The following TMC1 variants were observed in gnomAD, a reference collection of about 807,000 sequenced individuals.
TMC1 encodes transmembrane channel-like protein 1.
In TMC1, 84 loss-of-function variants were observed where a neutral mutation model predicts 105.8. That is an observed-to-expected ratio of 0.79 (90% CI 0.67 to 0.95). The LOEUF is 0.95. Among genes scored for constraint, TMC1 ranks in the 40% least tolerant of loss-of-function variants. The pLI is 0.00. For synonymous variants in TMC1, 315 were observed against 311.5 expected, an observed-to-expected ratio of 1.01 and a Z score of -0.12; for missense variants, 817 against 914.1, an observed-to-expected ratio of 0.89 and a Z score of 1.37.
At chr9:72,666,622 CACTG>C (rs1478154647) in intron 5 of TMC1, among the ~76,000 whole-genome samples, 2 of 152,174 alleles carry the variant, frequency 1.3e-5, no homozygotes, top group African/African-American at 2.4e-5. Context: ...ATATCACAAA[CACTG>C]ACTGAGTGCC....
chr9:72,569,692 A>G (rs1321522653), intron 1 of TMC1, among the ~76,000 whole-genome samples: 2 of 152,198 alleles, frequency 1.3e-5, no homozygotes, highest in African/African-American at 4.8e-5. Flanking sequence ...AGAGGCCAAC[A>G]TGGTGAGGTA....
At chr9:72,751,648 T>C (rs989272694) in intron 10 of TMC1, among the ~76,000 whole-genome samples, 2 of 152,176 alleles carry the variant, frequency 1.3e-5, no homozygotes, top group Admixed American at 1.3e-4. Flanking sequence ...CCTTCTACAT[T>C]CCACATGACA....
chr9:72,726,005 T>C (rs1160965451), intron 8 of TMC1, among the ~76,000 whole-genome samples: 1 of 152,156 alleles, frequency 6.6e-6, no homozygotes, highest in Non-Finnish European at 1.5e-5. Context: ...TGTTAATCTC[T>C]TTTGGCAGTA....
chr9:72,531,715 A>G (rs1455361663), intron 1 of TMC1, among the ~76,000 whole-genome samples: 7 of 152,148 alleles, frequency 4.6e-5, no homozygotes, highest in African/African-American at 1.7e-4. Flanking sequence ...ACCAGTCCAA[A>G]GTGAAGAATA....
chr9:72,610,473 C>T (rs534789242), intron 2 of TMC1, among the ~76,000 whole-genome samples: 2 of 152,228 alleles, frequency 1.3e-5, no homozygotes, highest in African/African-American at 4.8e-5. Context: ...GCTCTAGACA[C>T]AGGAAGAAGC....
chr9:72,823,904 TA>T (rs1319583860), intron 20 of TMC1, among the ~76,000 whole-genome samples: 1 of 152,222 alleles, frequency 6.6e-6, no homozygotes, highest in Non-Finnish European at 1.5e-5. Flanking sequence ...ACATGGCCCA[TA>T]ATCTTGAAAA....
chr9:72,531,791 C>G (rs1823501596), intron 1 of TMC1, among the ~76,000 whole-genome samples: 1 of 152,146 alleles, frequency 6.6e-6, no homozygotes. Context: ...GGCCACCTAT[C>G]TTCAATTGGA....
intron 12 of TMC1, among the ~76,000 whole-genome samples, chr9:72,764,506 A>G (rs1413454204): frequency 1.3e-5 from 2 of 152,196 alleles, no homozygotes; most frequent in African/African-American, 2.4e-5. Context: ...GTTTTATGCA[A>G]TTAGACAGTA....
At chr9:72,600,812 C>G (rs1165675004) in intron 2 of TMC1, among the ~76,000 whole-genome samples, 1 of 152,104 alleles carries the variant, frequency 6.6e-6, no homozygotes, top group Non-Finnish European at 1.5e-5. Flanking sequence ...TCAGTGCATA[C>G]CAGAATCATC....
At position 72,836,119 on chromosome 9, in the gene TMC1, T is replaced by G. The variant is rs1484971850; in HGVS notation, c.*146T>G. On this transcript the variant is annotated 3_prime_UTR_variant, in exon 24 of 24. Coordinates refer to ENST00000297784, the MANE Select transcript of TMC1 (RefSeq NM_138691.3). ...GATTTTCAAGGTCATGCTGGCCAAT[T>G]AAGGCATCATCAGTCCTACCTGAGC... 1 of 912,252 alleles carries G rather than the reference T, an allele frequency of 1.1e-6. No individual in the cohort carries two copies. Among genetic ancestry groups the G allele is most frequent in the South Asian group, 1.3e-5 (1 of 76,024 alleles). 56.5% of individuals were successfully genotyped at this position (912,252 alleles called of 1,614,324 possible).
At chr9:72,811,817 A>T (rs1468197172) in intron 18 of TMC1, among the ~76,000 whole-genome samples, 2 of 152,188 alleles carry the variant, frequency 1.3e-5, no homozygotes, top group Non-Finnish European at 1.5e-5. Flanking sequence ...ACCTTAGTGG[A>T]TTCCCAATCA....
At chr9:72,669,400 G>C (rs1019381200) in intron 5 of TMC1, among the ~76,000 whole-genome samples, 1 of 152,098 alleles carries the variant, frequency 6.6e-6, no homozygotes, top group Non-Finnish European at 1.5e-5. Flanking sequence ...ATCTAGATAT[G>C]ACTGCAAAAA....
chr9:72,758,431 A>G (rs1452369950), intron 12 of TMC1, among the ~76,000 whole-genome samples: 1 of 152,218 alleles, frequency 6.6e-6, no homozygotes, highest in Non-Finnish European at 1.5e-5. Flanking sequence ...ATTTGGTTTC[A>G]CAGTAAAAAT....
chr9:72,665,601 T>G (rs1345663199), intron 5 of TMC1, among the ~76,000 whole-genome samples: 1 of 152,190 alleles, frequency 6.6e-6, no homozygotes, highest in African/African-American at 2.4e-5. Context: ...CAAGCTGAAA[T>G]AAACCAGGGC....
At chr9:72,735,074 T>C (rs1413923665) in intron 8 of TMC1, among the ~76,000 whole-genome samples, 2 of 152,180 alleles carry the variant, frequency 1.3e-5, no homozygotes, top group Non-Finnish European at 2.9e-5. Context: ...ACACAACGGA[T>C]TGATAAATGA....
chr9:72,787,053 A>C (rs1180332328), intron 13 of TMC1, among the ~76,000 whole-genome samples: 3 of 150,562 alleles, frequency 2.0e-5, no homozygotes, highest in Non-Finnish European at 4.4e-5. Context: ...ATGGCTTTTC[A>C]TACCTCATGG....
intron 2 of TMC1, among the ~76,000 whole-genome samples, chr9:72,601,141 C>T (rs182495997): frequency 6.6e-6 from 1 of 150,908 alleles, no homozygotes; most frequent in Admixed American, 6.6e-5. Flanking sequence ...TTAGGACCAA[C>T]CTAGGCAACA....
intron 8 of TMC1, among the ~76,000 whole-genome samples, chr9:72,721,708 A>G (rs1015524721): frequency 2.0e-5 from 3 of 152,166 alleles, no homozygotes; most frequent in African/African-American, 7.2e-5. Flanking sequence ...TCACCTGACT[A>G]TTCCAAGCCA....
At chr9:72,722,779 A>C (rs1827049936) in intron 8 of TMC1, among the ~76,000 whole-genome samples, 1 of 152,200 alleles carries the variant, frequency 6.6e-6, no homozygotes, top group African/African-American at 2.4e-5. Flanking sequence ...AGTGAAGGAC[A>C]GAAATGTGCT....
Sources: allele counts gnomAD v4.1 joint callset (sites outside exome capture counted in the v4.1 genomes callset), GRCh38; gene constraint gnomAD v4.1.1; transcripts MANE v1.5; gene names NCBI Gene and HGNC (gene_info 2026-07-23, HGNC 2026-07-21).